Variants in TENM3 observed in about 807,000 individuals in gnomAD.
TENM3 encodes the protein teneurin-3.
In TENM3, 63 loss-of-function variants were observed where a neutral mutation model predicts 255.1. The ratio of observed to expected loss-of-function variants is 0.25; its 90% CI spans 0.20 to 0.30. The LOEUF is 0.30. TENM3 is among the 10% of genes least tolerant of loss of function. TENM3 has a pLI of 1.00. For missense variants in TENM3, 2,929 were observed against 3,461.1 expected, an observed-to-expected ratio of 0.85 and a Z score of 3.86; for synonymous variants, 1,306 against 1,322.3, an observed-to-expected ratio of 0.99 and a Z score of 0.27.
intron 6 of TENM3, among the ~76,000 whole-genome samples, chr4:182,660,461 G>A (rs879585930): frequency 2.0e-5 from 3 of 152,152 alleles, no homozygotes; most frequent in Admixed American, 6.5e-5. Flanking sequence ...TTACAATGAG[G>A]TTTGAATCAG....
In TENM3 at chr4:182,356,585, T is replaced by C. The variant is rs140688969; in HGVS notation, c.511+9656T>C. 5.9e-3 allele frequency among the ~76,000 whole-genome samples: 892 copies of C among 151,782 alleles called. 7 individuals carry two copies. Among genetic ancestry groups the C allele is most frequent in the African/African-American group, 0.02 (841 of 41,380 alleles). ...GCGGCAGAACAACAAGAAGGTGGAGTAGAGGCGATTGAGGGAAAATGAAAA... is the reference window on the plus strand; with the variant it reads ...GCGGCAGAACAACAAGAAGGTGGAGCAGAGGCGATTGAGGGAAAATGAAAA... On this transcript the variant is annotated intron_variant, in intron 3 of 27. Coordinates refer to ENST00000511685, the MANE Select transcript of TENM3 (RefSeq NM_001080477.4).
intron 1 of TENM3, among the ~76,000 whole-genome samples, chr4:182,194,551 T>A (rs1245977763): frequency 6.6e-6 from 1 of 152,210 alleles, no homozygotes; most frequent in Non-Finnish European, 1.5e-5. Flanking sequence ...TTGGCTAAGA[T>A]ACAAGCCTGC....
In TENM3 at chr4:182,369,248, A is replaced by G. The variant is rs541624597; in HGVS notation, c.511+22319A>G. Among the ~76,000 whole-genome samples the G allele has an allele frequency of 6.6e-4, 101 of 152,296 alleles. 1 individual carries two copies. Among genetic ancestry groups the G allele is most frequent in the Non-Finnish European group, 1.3e-3 (87 of 68,024 alleles). On this transcript the variant is annotated intron_variant, in intron 3 of 27. Coordinates refer to ENST00000511685, the MANE Select transcript of TENM3 (RefSeq NM_001080477.4). ...ACACTTATTATGTTTAATCTTTTCA[A>G]CTACCCTCTGAGATTAGTAGTATTA...
intron 16 of TENM3, among the ~76,000 whole-genome samples, chr4:182,732,933 C>T (rs970545861): frequency 5.3e-5 from 8 of 152,142 alleles, no homozygotes; most frequent in Non-Finnish European, 1.0e-4. Flanking sequence ...TTCATTCTCC[C>T]GATATTTCTT....
the TENM3 span, among the ~76,000 whole-genome samples, chr4:182,129,075 G>T: frequency 6.6e-6 from 1 of 152,212 alleles, no homozygotes; most frequent in African/African-American, 2.4e-5. Flanking sequence ...GGGAAAAGGC[G>T]GGAATAGGGT....
At chr4:182,384,662 A>G (rs1248961321) in intron 3 of TENM3, among the ~76,000 whole-genome samples, 7 of 152,160 alleles carry the variant, frequency 4.6e-5, no homozygotes, top group Admixed American at 4.6e-4. Flanking sequence ...TTCTCCAGAA[A>G]TACAACTTAG....
chr4:181,654,213 T>A, the TENM3 span, among the ~76,000 whole-genome samples: 1 of 150,386 alleles, frequency 6.6e-6, no homozygotes, highest in Non-Finnish European at 1.5e-5. Flanking sequence ...CTTCCTCTGA[T>A]TCTCTACTGC....
At chr4:181,992,833 C>G in the TENM3 span, among the ~76,000 whole-genome samples, 3 of 152,132 alleles carry the variant, frequency 2.0e-5, no homozygotes, top group East Asian at 5.8e-4. Flanking sequence ...ACAAAAATAT[C>G]CAATGAAATG....
chr4:182,451,215 A>G (rs1220946789), intron 3 of TENM3, among the ~76,000 whole-genome samples: 1 of 152,224 alleles, frequency 6.6e-6, no homozygotes, highest in Non-Finnish European at 1.5e-5. Context: ...AAATAAAATC[A>G]TACTAAATTT....
chr4:181,854,731 G>A, the TENM3 span, among the ~76,000 whole-genome samples: 1 of 152,032 alleles, frequency 6.6e-6, no homozygotes. Context: ...CAATCCCTGT[G>A]GTATTCTTAT....
intron 1 of TENM3, among the ~76,000 whole-genome samples, chr4:182,315,769 T>G (rs554555969): frequency 6.6e-6 from 1 of 152,252 alleles, no homozygotes; most frequent in East Asian, 1.9e-4. Flanking sequence ...TCTGATGATT[T>G]ATTTATTTAT....
chr4:182,774,606 T>C, intron 23 of TENM3, among the ~76,000 whole-genome samples: 1 of 152,202 alleles, frequency 6.6e-6, no homozygotes, highest in Non-Finnish European at 1.5e-5. Context: ...TGTGCCTCTT[T>C]ACAAAATATT....
At chr4:182,100,794 TACACATATATATACACATATATATACAC>T in the TENM3 span, among the ~76,000 whole-genome samples, 617 of 6,418 alleles carry the variant, frequency 0.096, 189 homozygotes, top group Non-Finnish European at 0.16. Flanking sequence ...CACATATATA[TACACATATATATACACATATATATACAC>T]ATATATATAT....
rs557631066 is a variant in TENM3, at chr4:182,589,846, C to T, written c.512-11078C>T. ...AAAATTAGCTGGGCTTGGTGGTGTG[C>T]GCCTGTAATCACAGCTACTTGGGAG... is the stretch of plus-strand genomic sequence containing the variant. On this transcript the variant is annotated intron_variant, in intron 3 of 27. Coordinates refer to ENST00000511685, the MANE Select transcript of TENM3 (RefSeq NM_001080477.4). Among the ~76,000 whole-genome samples the T allele has an allele frequency of 1.4e-3, 211 of 151,988 alleles. 1 individual carries two copies. Among genetic ancestry groups the T allele is most frequent in the African/African-American group, 4.7e-3 (194 of 41,454 alleles).
chr4:181,809,833 G>A, the TENM3 span, among the ~76,000 whole-genome samples: 113 of 152,248 alleles, frequency 7.4e-4, no homozygotes, highest in Middle Eastern at 3.4e-3. Context: ...CAGAGACGAT[G>A]TGGCCCTGAT....
At chr4:182,045,352 G>A in the TENM3 span, among the ~76,000 whole-genome samples, 798 of 149,106 alleles carry the variant, frequency 5.4e-3, 6 homozygotes, top group Non-Finnish European at 7.2e-3. Flanking sequence ...TAGTAGAAGC[G>A]AATTTCTAAG....
the TENM3 span, among the ~76,000 whole-genome samples, chr4:182,108,954 A>C: frequency 6.6e-6 from 1 of 152,196 alleles, no homozygotes; most frequent in East Asian, 1.9e-4. Context: ...GTATTTTATT[A>C]TCTACTAATA....
the TENM3 span, among the ~76,000 whole-genome samples, chr4:181,634,498 A>G: frequency 2.6e-5 from 4 of 151,330 alleles, no homozygotes; most frequent in East Asian, 3.9e-4. Flanking sequence ...AATGCAAACC[A>G]TATGTTATCA....
At chr4:182,062,508 T>A in the TENM3 span, among the ~76,000 whole-genome samples, 1 of 152,262 alleles carries the variant, frequency 6.6e-6, no homozygotes, top group African/African-American at 2.4e-5. Context: ...ATGGTATTAC[T>A]TTTATATGTA....
Sources: allele counts gnomAD v4.1 joint callset (sites outside exome capture counted in the v4.1 genomes callset), GRCh38; gene constraint gnomAD v4.1.1; transcripts MANE v1.5; gene names NCBI Gene and HGNC (gene_info 2026-07-23, HGNC 2026-07-21).